Variants in LCOR observed in about 807,000 individuals in gnomAD.
LCOR encodes the protein ligand-dependent corepressor.
LCOR carries 14 observed loss-of-function variants against 64.4 expected under a neutral mutation model. The observed-to-expected ratio is 0.22, with a 90% confidence interval of 0.14 to 0.34. The LOEUF (loss-of-function observed/expected upper bound fraction) is 0.34, where lower values mean the gene tolerates loss of function less well. LCOR is among the 10% of genes least tolerant of loss of function. The pLI, the probability that LCOR is intolerant of heterozygous loss-of-function variation, is 1.00. For synonymous variants in LCOR, 643 were observed against 642.5 expected (o/e 1.00, Z -0.01); for missense variants, 1,686 against 1,765.3 (o/e 0.96, Z 0.80).
intron 7 of LCOR, chr10:96,963,876 A>G (rs904467116): frequency 6.6e-6 from 1 of 152,234 alleles, no homozygotes; most frequent in Admixed American, 6.5e-5. Context: ...GGAGATATGG[A>G]AAATGGTATC....
intron 2 of LCOR, among the ~76,000 whole-genome samples, chr10:96,904,767 T>G (rs1219684265): frequency 6.6e-6 from 1 of 152,188 alleles, no homozygotes; most frequent in Non-Finnish European, 1.5e-5. Flanking sequence ...ATGGTATACA[T>G]TTTGAATATA....
intron 5 of LCOR, 37 bp downstream of exon 5, chr10:96,944,282 G>A: frequency 1.0e-6 from 1 of 967,848 alleles, no homozygotes; most frequent in Non-Finnish European, 1.2e-6. Context: ...GCATCTGCTT[G>A]TCTTGTATTA....
At chr10:96,972,281 C>G (rs1848005727) in intron 7 of LCOR, among the ~76,000 whole-genome samples, 1 of 151,954 alleles carries the variant, frequency 6.6e-6, no homozygotes, top group Non-Finnish European at 1.5e-5. Flanking sequence ...TGCCTCTGAA[C>G]CCTCCCTTTT....
rs912819195 is a variant in LCOR, at chr10:96,988,976, A to G, written c.*3842A>G. 3.3e-5 allele frequency: 5 copies of G among 152,232 alleles called. No individual in the cohort carries two copies. Among genetic ancestry groups the G allele is most frequent in the African/African-American group, 7.2e-5 (3 of 41,456 alleles). The allele number at this position is 152,232 out of a possible 1,614,324, so 9.4% of individuals were successfully genotyped here. On this transcript the variant is annotated 3_prime_UTR_variant, in exon 8 of 8. Transcript: ENST00000421806. ...GATACTATCTGGACCTTCAGAAAAC[A>G]TCTGCTGATCCCTGCTTGAGAAAGT...
chr10:96,968,439 A>G (rs1327159631), intron 7 of LCOR, among the ~76,000 whole-genome samples: 1 of 152,240 alleles, frequency 6.6e-6, no homozygotes, highest in Admixed American at 6.5e-5. Flanking sequence ...CCCTTCAGCA[A>G]ACTTACGCTG....
chr10:96,843,600 AAAAT>A (rs1172295714), intron 2 of LCOR, among the ~76,000 whole-genome samples: 8 of 152,354 alleles, frequency 5.3e-5, no homozygotes, highest in African/African-American at 1.2e-4. Context: ...AAAGGAATTT[AAAAT>A]AAATCTTTTA....
At chr10:96,881,089 G>A (rs1484993799) in intron 2 of LCOR, among the ~76,000 whole-genome samples, 4 of 152,096 alleles carry the variant, frequency 2.6e-5, no homozygotes, top group African/African-American at 9.7e-5. Context: ...CGTGAAGTGG[G>A]GACAGAGATT....
At position 96,981,626 on chromosome 10, in the gene LCOR, G is replaced by C. The variant is rs150264369; in HGVS notation, c.1166G>C (p.Arg389Thr). Residue 389 changes from arginine (R) to threonine (T), a missense_variant, in exon 8 of 8, where the codon AGG becomes ACG. Transcript: ENST00000421806. ...TTAGAGGCAAATGAACAAGATGCAA[G>C]GCCAAAGCAAGAGAACCATCTTCAC... is the stretch of plus-strand genomic sequence containing the variant. ...QDLEANEQDARPKQENHLHSL... is the reference protein window; with the variant it reads ...QDLEANEQDATPKQENHLHSL... The C allele has an allele frequency of 2.9e-5, 47 of 1,614,048 alleles. No homozygotes were observed. The highest frequency in any genetic ancestry group is 3.8e-5 in the Non-Finnish European group (45 of 1,180,040).
intron 7 of LCOR, among the ~76,000 whole-genome samples, chr10:96,970,699 G>T (rs759277261): frequency 6.8e-6 from 1 of 147,562 alleles, no homozygotes; most frequent in Non-Finnish European, 1.5e-5. Context: ...TCACTCTGTC[G>T]CCCAGGCTGG....
chr10:96,873,380 A>T lies in LCOR; in HGVS notation c.-329-33885A>T, dbSNP rs189192413. 1.3e-4 allele frequency among the ~76,000 whole-genome samples: 20 copies of T among 152,286 alleles called. No homozygotes were observed. The East Asian group carries it at 3.9e-3, about 29-fold the overall frequency. ...TGAAAGGTGAGGAAATTAGTATTCT[A>T]ACATTTCTTTTCATCACTTTTTCCC... On this transcript the variant is annotated intron_variant, in intron 2 of 7. Transcript: ENST00000421806.
At chr10:96,848,602 G>A (rs1845671102) in intron 2 of LCOR, among the ~76,000 whole-genome samples, 1 of 152,250 alleles carries the variant, frequency 6.6e-6, no homozygotes, top group East Asian at 1.9e-4. Flanking sequence ...AGGTTGCAGT[G>A]AGCTGAGATC....
At chr10:96,971,146 T>C (rs1467912863) in intron 7 of LCOR, among the ~76,000 whole-genome samples, 1 of 152,184 alleles carries the variant, frequency 6.6e-6, no homozygotes, top group East Asian at 1.9e-4. Context: ...CCTGGTACCT[T>C]AGAGAGCACA....
intron 2 of LCOR, among the ~76,000 whole-genome samples, chr10:96,873,761 G>A (rs1436034290): frequency 4.6e-5 from 7 of 151,906 alleles, no homozygotes; most frequent in Admixed American, 4.6e-4. Flanking sequence ...CACCACCACA[G>A]TCCGGATAAT....
intron 2 of LCOR, among the ~76,000 whole-genome samples, chr10:96,882,090 ATTAATTAT>A: frequency 6.6e-6 from 1 of 152,308 alleles, no homozygotes; most frequent in East Asian, 1.9e-4. Flanking sequence ...GAGTTATTGT[ATTAATTAT>A]TCGAACTAAT....
At chr10:96,863,620 C>G (rs1390408440) in intron 2 of LCOR, among the ~76,000 whole-genome samples, 1 of 152,190 alleles carries the variant, frequency 6.6e-6, no homozygotes, top group African/African-American at 2.4e-5. Context: ...ATTGGGATAG[C>G]ATGATCAGGT....
intron 2 of LCOR, among the ~76,000 whole-genome samples, chr10:96,900,834 C>T (rs1846621558): frequency 6.6e-6 from 1 of 151,356 alleles, no homozygotes; most frequent in South Asian, 2.1e-4. Flanking sequence ...CTTCATTTTT[C>T]CTCTAGAATT....
At chr10:96,977,022 G>A (rs1289699481) in intron 7 of LCOR, among the ~76,000 whole-genome samples, 2 of 152,042 alleles carry the variant, frequency 1.3e-5, no homozygotes, top group African/African-American at 4.8e-5. Flanking sequence ...TTGCCAAAAC[G>A]CACTTGGAGT....
intron 7 of LCOR, among the ~76,000 whole-genome samples, chr10:96,965,636 T>A (rs1589687673): frequency 8.3e-6 from 1 of 120,550 alleles, no homozygotes; most frequent in African/African-American, 3.3e-5. Flanking sequence ...CACTCCAGCC[T>A]GGGCGACAGA....
intron 5 of LCOR, among the ~76,000 whole-genome samples, chr10:96,946,088 C>T (rs1347712627): frequency 6.6e-6 from 1 of 151,990 alleles, no homozygotes; most frequent in Non-Finnish European, 1.5e-5. Flanking sequence ...AGAGAAAGAA[C>T]TGTTCCTTTG....
Sources: gnomAD v4.1 joint callset for allele counts (sites outside exome capture counted in the v4.1 genomes callset) on GRCh38, gnomAD v4.1.1 for gene constraint, MANE v1.5 for transcripts, NCBI Gene and HGNC (gene_info 2026-07-23, HGNC 2026-07-21) for gene names.